Variants in GRHL2 observed in about 807,000 individuals in gnomAD.
GRHL2 encodes grainyhead-like protein 2 homolog.
A neutral mutation model predicts 83.8 loss-of-function variants in GRHL2; 21 were observed. That is an observed-to-expected ratio of 0.25 (90% CI 0.18 to 0.36). The LOEUF (loss-of-function observed/expected upper bound fraction) is 0.36, where lower values mean the gene tolerates loss of function less well. Ranked by LOEUF, GRHL2 falls within the 10% of genes least tolerant of loss-of-function variation. The pLI is 1.00. For missense variants in GRHL2, 623 were observed against 781.8 expected (o/e 0.80, Z 2.42); for synonymous variants, 280 against 278.9 (o/e 1.00, Z -0.04).
intron 4 of GRHL2, among the ~76,000 whole-genome samples, chr8:101,561,794 G>C (rs527530949): frequency 6.6e-6 from 1 of 152,158 alleles, no homozygotes; most frequent in Admixed American, 6.5e-5. Context: ...CATGATTTAT[G>C]TAAGTACATC....
At chr8:101,658,802 A>G (rs1438930276) in intron 14 of GRHL2, among the ~76,000 whole-genome samples, 1 of 152,238 alleles carries the variant, frequency 6.6e-6, no homozygotes, top group African/African-American at 2.4e-5. Flanking sequence ...AGTTCCAAGT[A>G]ACCCTAACCA....
At chr8:101,507,770 C>CTT (rs11295472) in intron 1 of GRHL2, among the ~76,000 whole-genome samples, 16 of 66,306 alleles carry the variant, frequency 2.4e-4, no homozygotes, top group East Asian at 9.8e-4. Context: ...ATGATTATCC[C>CTT]TTTTTTTTTT....
At chr8:101,557,517 C>T (rs1023834448) in intron 3 of GRHL2, among the ~76,000 whole-genome samples, 1 of 152,144 alleles carries the variant, frequency 6.6e-6, no homozygotes, top group African/African-American at 2.4e-5. Context: ...AGTCACCGCA[C>T]CTGACAACAA....
Position 101,652,393 on chromosome 8 carries a change from G to GTGTGGTA in GRHL2, c.1698+2898_1698+2899insGTATGTG, listed in dbSNP as rs1813660135. The stretch of plus-strand genomic sequence containing the variant: ...TGTCTGATGTGTGTGTGGTGTGTGT[G>GTGTGGTA]TGTGTCTGGTGTGTGTGTGGTGTGT... On this transcript the variant is annotated intron_variant, in intron 14 of 15. Coordinates refer to ENST00000646743, the MANE Select transcript of GRHL2 (RefSeq NM_024915.4). Among the ~76,000 whole-genome samples the GTGTGGTA allele has an allele frequency of 3.0e-5, 2 of 66,494 alleles. 1 individual carries two copies. Among genetic ancestry groups the GTGTGGTA allele is most frequent in the African/African-American group, 2.3e-4 (2 of 8,882 alleles). The allele number at this position is 66,494 out of a possible 152,430, so 43.6% of individuals were successfully genotyped here.
intron 8 of GRHL2, among the ~76,000 whole-genome samples, chr8:101,599,441 G>T (rs1812464948): frequency 6.6e-6 from 1 of 152,180 alleles, no homozygotes; most frequent in Non-Finnish European, 1.5e-5. Context: ...CTGCAGTGCA[G>T]ATTCCCCCAA....
chr8:101,492,775 A>C lies in GRHL2; in HGVS notation c.6A>C (p.Ser2=). The C allele has an allele frequency of 1.9e-6, 3 of 1,614,002 alleles. No individual in the cohort carries two copies. Among genetic ancestry groups the C allele is most frequent in the Non-Finnish European group, 2.5e-6 (3 of 1,179,822 alleles). ...GCAAGTTCATTGGATCAAACATGTC[A>C]CAAGAGTCGGACAAGTAAGTGGATC... M[S]QESDNNKRLV... Residue 2 remains serine (S), a synonymous_variant, in exon 1 of 16, where the codon TCA becomes TCC. Transcript: ENST00000646743.
At chr8:101,526,616 C>T (rs1035644382) in intron 1 of GRHL2, among the ~76,000 whole-genome samples, 8 of 145,006 alleles carry the variant, frequency 5.5e-5, no homozygotes, top group Non-Finnish European at 1.0e-4. Flanking sequence ...GATAGACTCT[C>T]GCTTGGTTTA....
intron 8 of GRHL2, among the ~76,000 whole-genome samples, chr8:101,600,681 C>T (rs1812491373): frequency 6.6e-6 from 1 of 152,338 alleles, no homozygotes; most frequent in Middle Eastern, 3.4e-3. Flanking sequence ...CAGACAAACA[C>T]ACAGATTTCC....
At chr8:101,493,371 G>A (rs982650765) in intron 1 of GRHL2, among the ~76,000 whole-genome samples, 9 of 152,104 alleles carry the variant, frequency 5.9e-5, no homozygotes, top group Non-Finnish European at 1.3e-4. Context: ...CTGGGAGGCC[G>A]GGGGGCGCGG....
chr8:101,637,211 T>TCCATC (rs747111105), intron 12 of GRHL2, among the ~76,000 whole-genome samples: 11 of 152,178 alleles, frequency 7.2e-5, no homozygotes, highest in Non-Finnish European at 1.5e-4. Flanking sequence ...TCCCTTCCAT[T>TCCATC]CCATCCTTTC....
chr8:101,680,403 C>A, the GRHL2 span, among the ~76,000 whole-genome samples: 1 of 118,894 alleles, frequency 8.4e-6, no homozygotes. Flanking sequence ...GCACCCAATA[C>A]AGGAGCACCC....
At position 101,662,708 on chromosome 8, in the gene GRHL2, A is replaced by G. The variant is rs1303531851; in HGVS notation, c.1699-1746A>G. Among the ~76,000 whole-genome samples the G allele has an allele frequency of 2.0e-5, 3 of 152,332 alleles. No homozygotes were observed. The East Asian group carries it at 5.8e-4, about 29-fold the overall frequency. Reference sequence around the variant, plus strand: ...CATCTGTAAACTGTTACTACTTTATATTTATAAAAGTGAAACACAATGATT... The same window carrying G: ...CATCTGTAAACTGTTACTACTTTATGTTTATAAAAGTGAAACACAATGATT... On this transcript the variant is annotated intron_variant, in intron 14 of 15. Coordinates refer to ENST00000646743, the MANE Select transcript of GRHL2 (RefSeq NM_024915.4).
chr8:101,561,851 T>G (rs1811614182), intron 4 of GRHL2, among the ~76,000 whole-genome samples: 1 of 152,226 alleles, frequency 6.6e-6, no homozygotes, highest in African/African-American at 2.4e-5. Flanking sequence ...ATCTGTAATA[T>G]CTGATGTTTT....
At chr8:101,576,468 C>G (rs145768736) in intron 6 of GRHL2, among the ~76,000 whole-genome samples, 3 of 152,172 alleles carry the variant, frequency 2.0e-5, no homozygotes, top group Non-Finnish European at 2.9e-5. Flanking sequence ...GATCTTCCCC[C>G]CTCAGTTTCC....
chr8:101,564,526 C>T (rs185088321), intron 4 of GRHL2, among the ~76,000 whole-genome samples: 15 of 152,242 alleles, frequency 9.9e-5, no homozygotes, highest in African/African-American at 3.6e-4. Flanking sequence ...GTGCTTTAGA[C>T]TGGGAGTGGT....
At chr8:101,513,422 A>G (rs779459059) in intron 1 of GRHL2, among the ~76,000 whole-genome samples, 12 of 149,404 alleles carry the variant, frequency 8.0e-5, no homozygotes, top group Non-Finnish European at 1.6e-4. Context: ...CATTGTTGTT[A>G]TTGTAACTGA....
chr8:101,601,386 A>T (rs941993411), intron 8 of GRHL2, among the ~76,000 whole-genome samples: 2 of 152,236 alleles, frequency 1.3e-5, no homozygotes, highest in Admixed American at 6.5e-5. Flanking sequence ...TGGAAGGTAC[A>T]GTTTAATGAT....
At chr8:101,648,999 G>A (rs1320221751) in intron 13 of GRHL2, among the ~76,000 whole-genome samples, 1 of 152,200 alleles carries the variant, frequency 6.6e-6, no homozygotes. Flanking sequence ...GACAGGGGCT[G>A]TGATTTAACT....
chr8:101,612,635 A>C (rs984083100), intron 8 of GRHL2, among the ~76,000 whole-genome samples: 1 of 151,124 alleles, frequency 6.6e-6, no homozygotes, highest in African/African-American at 2.5e-5. Flanking sequence ...ACATCCAGTC[A>C]GAGCAGTTAA....
Sources: gnomAD v4.1 joint callset for allele counts (sites outside exome capture counted in the v4.1 genomes callset) on GRCh38, gnomAD v4.1.1 for gene constraint, MANE v1.5 for transcripts, NCBI Gene and HGNC (gene_info 2026-07-23, HGNC 2026-07-21) for gene names.